Variants in NDUFA11 observed in about 807,000 individuals in gnomAD.
NDUFA11 encodes NADH:ubiquinone oxidoreductase subunit A11.
NDUFA11 carries 14 observed loss-of-function variants against 11.3 expected under a neutral mutation model. The ratio of observed to expected loss-of-function variants is 1.24; its 90% CI spans 0.82 to 1.94. The LOEUF is 1.94. NDUFA11 is among the 30% of genes most tolerant of loss of function. The pLI, the probability that NDUFA11 is intolerant of heterozygous loss-of-function variation, is 0.00. For missense variants in NDUFA11, 204 were observed against 200.3 expected (o/e 1.02, Z -0.11); for synonymous variants, 87 against 85.6 (o/e 1.02, Z -0.09).
chr19:5,902,352 C>T (rs2057651457), intron 1 of NDUFA11: 1 of 152,288 alleles, frequency 6.6e-6, no homozygotes, highest in South Asian at 2.1e-4. Context: ...GAGCCTTGAA[C>T]TCCTGGTTTC....
intron 1 of NDUFA11, among the ~76,000 whole-genome samples, chr19:5,899,205 A>G (rs1188229478): frequency 6.8e-6 from 1 of 146,648 alleles, no homozygotes; most frequent in Non-Finnish European, 1.5e-5. Flanking sequence ...GCTGGAGTGC[A>G]GTGGCGCTAT....
chr19:5,893,003 C>G (rs763923665), downstream of NDUFA11: 3 of 1,529,240 alleles, frequency 2.0e-6, no homozygotes, highest in Middle Eastern at 1.7e-4. The surrounding 1 kb of genome is among the most constrained non-coding windows in gnomAD (Gnocchi z 4.1). Flanking sequence ...CCTCTGGGTG[C>G]GGGGTGGGTG....
At chr19:5,892,087 A>G (rs1389359211), downstream of NDUFA11, 1 of 152,332 alleles carries the variant, frequency 6.6e-6, no homozygotes, top group Non-Finnish European at 1.5e-5. Flanking sequence ...CTCGTGTTCC[A>G]TTCTGGGGGG....
chr19:5,902,177 G>T (rs1392380688), intron 1 of NDUFA11, among the ~76,000 whole-genome samples: 2 of 151,720 alleles, frequency 1.3e-5, no homozygotes, highest in Non-Finnish European at 2.9e-5. Flanking sequence ...GGGTTTCACC[G>T]TGTTAGCCAG....
chr19:5,896,981 GGCA>G lies in NDUFA11; in HGVS notation c.111_113del (p.Ala38del). 1 of 1,614,080 alleles carries G rather than the reference GGCA, an allele frequency of 6.2e-7. No individual in the cohort carries two copies. Among genetic ancestry groups the G allele is most frequent in the Non-Finnish European group, 8.5e-7 (1 of 1,180,016 alleles). On this transcript the variant is annotated inframe_deletion, in exon 2 of 4. Transcript: ENST00000308961. The surrounding 1 kb of genome is among the most constrained non-coding windows in gnomAD (Gnocchi z 5.8). ...CCGGAGGATTGAGTGTGACTCTGTA[GGCA>G]GCGGCGGTCAGGCCTGCGAGACAGA...
rs1010397798 is a variant in NDUFA11 at position 5,896,304 on chromosome 19, A to G, written c.313+149T>C. On this transcript the variant is annotated intron_variant, in intron 3 of 3. Transcript: ENST00000308961. The surrounding 1 kb of genome is among the most constrained non-coding windows in gnomAD (Gnocchi z 5.8). ...CAGTAGGTGCTTAAGCAGCAGCAGC[A>G]GCTGTCGCTATGACTGAAATGGCTG... 5.4e-6 allele frequency: 5 copies of G among 924,474 alleles called. No individual in the cohort carries two copies. Among genetic ancestry groups the G allele is most frequent in the Non-Finnish European group, 6.5e-6 (4 of 619,344 alleles). 57.3% of individuals were successfully genotyped at this position (924,474 alleles called of 1,614,324 possible).
chr19:5,901,364 C>A, intron 1 of NDUFA11: 1 of 1,287,132 alleles, frequency 7.8e-7, no homozygotes, highest in Non-Finnish European at 1.0e-6. Flanking sequence ...CTTCAGAGAC[C>A]CCTAGGAGCA....
At chr19:5,895,121 G>A (rs1049164357) in intron 3 of NDUFA11, 32 of 498,134 alleles carry the variant, frequency 6.4e-5, no homozygotes, top group Non-Finnish European at 1.0e-4. Flanking sequence ...CCCCCTGCGA[G>A]GACACCGTGC....
intron 3 of NDUFA11, 30 bp from the exon 4 acceptor site, chr19:5,894,884 C>T (rs750207438): frequency 1.5e-5 from 24 of 1,571,298 alleles, no homozygotes; most frequent in South Asian, 2.3e-5. Flanking sequence ...ATGTCAGGCC[C>T]GGGTGGGGCT....
intron 3 of NDUFA11, chr19:5,895,109 T>G (rs1160784786): frequency 2.6e-5 from 13 of 507,968 alleles, no homozygotes; most frequent in Admixed American, 6.6e-5. Flanking sequence ...CCACACTGAC[T>G]TCCCCCTGCG....
At chr19:5,892,557 G>T (rs1629368), downstream of NDUFA11, 106,144 of 191,380 alleles carry the variant, frequency 0.55, 30,404 homozygotes, top group East Asian at 0.71. Flanking sequence ...TCCCGGCTGC[G>T]GTGGGCAGGA....
chr19:5,898,104 C>T (rs1047188522), intron 1 of NDUFA11, among the ~76,000 whole-genome samples: 3 of 152,244 alleles, frequency 2.0e-5, no homozygotes, highest in African/African-American at 7.2e-5. Flanking sequence ...GGCTCAGTCC[C>T]GTTATCCCCT....
chr19:5,897,140 C>A (rs2057615535), intron 1 of NDUFA11, 143 bp from the exon 2 acceptor site: 1 of 735,328 alleles, frequency 1.4e-6, no homozygotes, highest in East Asian at 2.7e-5. Context: ...TGCTGAGTGG[C>A]AGAGCTGGAT....
At chr19:5,902,976 A>C (rs538492677) in intron 1 of NDUFA11, among the ~76,000 whole-genome samples, 69 of 141,554 alleles carry the variant, frequency 4.9e-4, no homozygotes, top group Non-Finnish European at 6.8e-4. Context: ...TCGCCACTGC[A>C]GTCCAGCCCG....
chr19:5,903,433 C>A (rs920411914), intron 1 of NDUFA11, among the ~76,000 whole-genome samples, 179 bp downstream of exon 1: 6 of 152,088 alleles, frequency 3.9e-5, no homozygotes, highest in African/African-American at 1.4e-4. Context: ...CCCTGCTGGA[C>A]CCCCTACCAA....
chr19:5,900,537 G>A (rs1201503803), intron 1 of NDUFA11, among the ~76,000 whole-genome samples: 2 of 152,162 alleles, frequency 1.3e-5, no homozygotes, highest in African/African-American at 2.4e-5. Context: ...GGGGAGCCCC[G>A]GAATGAAGTG....
rs544134646 is a variant in NDUFA11, at chr19:5,903,740, C to A, written c.-32G>T. The stretch of plus-strand genomic sequence containing the variant: ...CAATCTCGATCCCGCACCACGGACC[C>A]CGCCAGCTCGGGAAGCGCAAGGGCA... On this transcript the variant is annotated 5_prime_UTR_variant, in exon 1 of 4. Transcript: ENST00000308961. The A allele has an allele frequency of 1.4e-5, 22 of 1,548,812 alleles. No individual in the cohort carries two copies. In the South Asian group the frequency reaches 2.4e-4, roughly 17 times the overall value.
rs752869203 is a variant in NDUFA11, at chr19:5,896,142, G to A, written c.313+311C>T. 69 of 577,940 alleles carry A rather than the reference G, an allele frequency of 1.2e-4. 1 individual carries two copies. The highest frequency in any genetic ancestry group is 1.1e-3 in the South Asian group (48 of 44,104). The allele number at this position is 577,940 out of a possible 1,614,324, so 35.8% of individuals were successfully genotyped here. On this transcript the variant is annotated intron_variant, in intron 3 of 3. Coordinates refer to ENST00000308961, the MANE Select transcript of NDUFA11 (RefSeq NM_175614.5). This position sits in a 1 kb window ranked among gnomAD's most constrained non-coding sequence, Gnocchi z 5.8. ...GACAGTGAGGGGAACAGCATTCCAC[G>A]CAGTGCACTGCCCATGCAAAGGCCC...
chr19:5,898,243 G>A (rs1430028575), intron 1 of NDUFA11, among the ~76,000 whole-genome samples: 1 of 152,150 alleles, frequency 6.6e-6, no homozygotes, highest in Admixed American at 6.5e-5. Flanking sequence ...TGCCCCAGGG[G>A]AGTGGGCTCC....
Sources: allele counts gnomAD v4.1 joint callset (sites outside exome capture counted in the v4.1 genomes callset), GRCh38; gene constraint gnomAD v4.1.1; non-coding constraint Gnocchi (gnomAD v3.1); transcripts MANE v1.5; gene names NCBI Gene and HGNC (gene_info 2026-07-23, HGNC 2026-07-21).